SVEP1: variants seen among roughly 807,000 people sequenced by gnomAD.
SVEP1 encodes sushi, von Willebrand factor type A, EGF and pentraxin domain-containing protein 1.
SVEP1 carries 164 observed loss-of-function variants against 367.3 expected under a neutral mutation model. The ratio of observed to expected loss-of-function variants is 0.45; its 90% confidence interval spans 0.39 to 0.51. The LOEUF is 0.51. SVEP1 is among the 20% of genes least tolerant of loss of function. SVEP1 has a pLI of 0.00. For missense variants in SVEP1, 4,117 were observed against 4,425.3 expected (o/e 0.93, Z 1.98); for synonymous variants, 1,666 against 1,611.6 (o/e 1.03, Z -0.81).
intron 3 of SVEP1, among the ~76,000 whole-genome samples, chr9:110,528,006 TCC>T (rs1400072402): frequency 1.3e-5 from 2 of 151,192 alleles, no homozygotes; most frequent in Non-Finnish European, 3.0e-5. Context: ...GGTCTCCAGC[TCC>T]ATCAAAGTTG....
At chr9:110,403,029 TA>T (rs1251031962) in intron 39 of SVEP1, among the ~76,000 whole-genome samples, 4 of 152,018 alleles carry the variant, frequency 2.6e-5, no homozygotes, top group Admixed American at 2.0e-4. Context: ...GATTTACAAA[TA>T]AAAAAATAAG....
At position 110,450,068 on chromosome 9, in the gene SVEP1, T is replaced by G. The variant is rs570920504; in HGVS notation, c.4094A>C (p.Asn1365Thr). The stretch of plus-strand genomic sequence containing the variant: ...AGACTTAGCCTTTTACCTGAAGCTA[T>G]TGGCACCGTCTTTACAGGTAGCTCC... ...KNGATCKDGANSFRCLCAAGF... is the reference protein window; with the variant it reads ...KNGATCKDGATSFRCLCAAGF... The change falls in exon 24 of 48, where the codon AAT becomes ACT. Residue 1365 changes from asparagine (N) to threonine (T), a missense_variant. By Grantham distance (65) the Asn-to-Thr change is moderately conservative (BLOSUM62 0). This residue lies in a region of SVEP1 where 2,174 missense variants were observed against 2,494.3 expected (regional missense o/e 0.87). Transcript: ENST00000374469. The G allele has an allele frequency of 1.9e-6, 3 of 1,613,856 alleles. No homozygotes were observed. The South Asian group carries it at 3.3e-5, about 18-fold the overall frequency.
chr9:110,402,448 G>A (rs570666040), intron 39 of SVEP1, among the ~76,000 whole-genome samples: 4 of 152,166 alleles, frequency 2.6e-5, no homozygotes, highest in African/African-American at 9.6e-5. Context: ...GCTGAACATA[G>A]TTTTACACAG....
intron 16 of SVEP1, among the ~76,000 whole-genome samples, chr9:110,470,438 T>G (rs1049691291): frequency 1.3e-5 from 2 of 152,148 alleles, no homozygotes; most frequent in African/African-American, 4.8e-5. Flanking sequence ...TGTCTTATTT[T>G]ATTTTTATTT....
intron 1 of SVEP1, among the ~76,000 whole-genome samples, chr9:110,572,640 T>C (rs928918282): frequency 1.3e-5 from 2 of 151,924 alleles, no homozygotes; most frequent in African/African-American, 4.8e-5. Flanking sequence ...GGTGGGCTGG[T>C]CACTTGAGCC....
rs536980751 is a variant in SVEP1 at position 110,474,831 on chromosome 9, C to T, written c.2599+1373G>A. On this transcript the variant is annotated intron_variant, in intron 14 of 47. Coordinates refer to ENST00000374469, the MANE Select transcript of SVEP1 (RefSeq NM_153366.4). ...TTTCTATAAATTATGGTAAACTGATCGATGGGATAATATTCAAACTGTACT... is the reference window on the plus strand; with the variant it reads ...TTTCTATAAATTATGGTAAACTGATTGATGGGATAATATTCAAACTGTACT... Among the ~76,000 whole-genome samples the T allele has an allele frequency of 4.6e-5, 7 of 151,962 alleles. No individual in the cohort carries two copies. In the South Asian group the frequency reaches 6.2e-4, roughly 14 times the overall value.
In SVEP1 at chr9:110,403,287, G is replaced by A. The variant is rs912158564; in HGVS notation, c.9666+1040C>T. Among the ~76,000 whole-genome samples, 395 of 91,716 alleles carry A rather than the reference G, an allele frequency of 4.3e-3. 4 individuals carry two copies. The highest frequency in any genetic ancestry group is 0.025 in the African/African-American group (379 of 15,438). The allele number at this position is 91,716 out of a possible 152,430, so 60.2% of individuals were successfully genotyped here. A position where few individuals can be genotyped will look rare whatever the true frequency, so the allele number is the denominator to read the frequency against. On this transcript the variant is annotated intron_variant, in intron 39 of 47. Transcript: ENST00000374469. Reference sequence around the variant, plus strand: ...TGTCTACGGTGATGATTCCTTCCCCGCCACCGCCGTTTTTTTTTTTTTTTT... The same window carrying A: ...TGTCTACGGTGATGATTCCTTCCCCACCACCGCCGTTTTTTTTTTTTTTTT...
At chr9:110,401,048 G>C (rs1382714770) in intron 39 of SVEP1, 39 bp from the exon 40 acceptor site, 1 of 1,604,676 alleles carries the variant, frequency 6.2e-7, no homozygotes, top group Non-Finnish European at 8.5e-7. Context: ...ATGTTTAGAA[G>C]TTAATACATA....
At chr9:110,432,069 A>ATTCC in intron 31 of SVEP1, 35 bp from the exon 32 acceptor site, 1 of 1,563,236 alleles carries the variant, frequency 6.4e-7, no homozygotes, top group Middle Eastern at 1.7e-4. Context: ...ATTAAAGTTG[A>ATTCC]TTCCTTTTCC....
At chr9:110,461,749 A>G (rs998337999) in intron 18 of SVEP1, among the ~76,000 whole-genome samples, 4 of 152,232 alleles carry the variant, frequency 2.6e-5, no homozygotes, top group African/African-American at 9.6e-5. Flanking sequence ...GGCAGAAAAT[A>G]TCATAGATTT....
rs552241632 is a variant in SVEP1, at chr9:110,488,008, C to T, written c.1930+1642G>A. 1.2e-3 allele frequency among the ~76,000 whole-genome samples: 189 copies of T among 152,158 alleles called. 1 individual carries two copies. The highest frequency in any genetic ancestry group is 4.2e-3 in the African/African-American group (176 of 41,526). ...ACCAATTGAGAGATGATACGGTAAACCAGGCTCAAAAGATTTCAAAGGACT... is the reference window on the plus strand; with the variant it reads ...ACCAATTGAGAGATGATACGGTAAATCAGGCTCAAAAGATTTCAAAGGACT... On this transcript the variant is annotated intron_variant, in intron 9 of 47. Coordinates refer to ENST00000374469, the MANE Select transcript of SVEP1 (RefSeq NM_153366.4).
intron 35 of SVEP1, 93 bp from the exon 36 acceptor site, chr9:110,427,851 T>C (rs930126964): frequency 5.7e-6 from 8 of 1,400,792 alleles, no homozygotes; most frequent in Non-Finnish European, 6.7e-6. Flanking sequence ...TAAGGGACAT[T>C]TGAGGAATTT....
intron 1 of SVEP1, among the ~76,000 whole-genome samples, chr9:110,556,085 T>C (rs183167428): frequency 2.5e-3 from 375 of 152,268 alleles, no homozygotes; most frequent in African/African-American, 8.6e-3. Flanking sequence ...ACATGGACTT[T>C]GTATGGCAAA....
At position 110,407,384 on chromosome 9, in the gene SVEP1, A is replaced by T. The variant is rs1338256822; in HGVS notation, c.8216T>A (p.Val2739Glu). The T allele has an allele frequency of 1.9e-6, 3 of 1,614,012 alleles. No homozygotes were observed. Residue 2739 changes from valine (V) to glutamate (E), a missense_variant, in exon 38 of 48, where the codon GTG (valine) becomes GAG (glutamate). Around this residue, in one of 4 missense-constraint regions of SVEP1, gnomAD observed 1,765 missense variants for 1,781.1 expected, o/e 0.99. Coordinates refer to ENST00000374469, the MANE Select transcript of SVEP1 (RefSeq NM_153366.4). The part of the protein sequence containing the change: ...RFTETSMGSA[V>E]QYSCKPGHIL... ...GTGTCCAGGTTTACAGCTATACTGCACAGCACTTCCCATGCTAGTCTCTGT... is the reference window on the plus strand; with the variant it reads ...GTGTCCAGGTTTACAGCTATACTGCTCAGCACTTCCCATGCTAGTCTCTGT...
Position 110,378,139 on chromosome 9 carries a change from CATCT to C in SVEP1, c.10409-777_10409-774del, listed in dbSNP as rs893509525. ...CTATCTTCTTAATCATCATCATCAT[CATCT>C]ATCAACATACATTTTTTTATCCATT... On this transcript the variant is annotated intron_variant, in intron 44 of 47. Coordinates refer to ENST00000374469, the MANE Select transcript of SVEP1 (RefSeq NM_153366.4). Among the ~76,000 whole-genome samples, 21 of 151,568 alleles carry C rather than the reference CATCT, an allele frequency of 1.4e-4. No individual in the cohort carries two copies. The South Asian group carries it at 1.7e-3, about 12-fold the overall frequency.
Position 110,367,436 on chromosome 9 carries a change from G to A in SVEP1, c.10695-876C>T, listed in dbSNP as rs531364991. Among the ~76,000 whole-genome samples, 4 of 152,198 alleles carry A rather than the reference G, an allele frequency of 2.6e-5. No homozygotes were observed. In the East Asian group the frequency reaches 5.8e-4, roughly 22 times the overall value. ...GCTGCCTTGGCTTCCCAAATTGCTG[G>A]GATTACAGGTGTGAGCCATCACACT... On this transcript the variant is annotated intron_variant, in intron 47 of 47. Transcript: ENST00000374469.
At chr9:110,551,924 C>T (rs577698583) in intron 1 of SVEP1, among the ~76,000 whole-genome samples, 18 of 152,172 alleles carry the variant, frequency 1.2e-4, no homozygotes, top group Non-Finnish European at 2.2e-4. Flanking sequence ...CATAGAGGTC[C>T]CCAGGTCCTC....
At chr9:110,394,704 T>C (rs1375693498) in intron 40 of SVEP1, among the ~76,000 whole-genome samples, 2 of 152,178 alleles carry the variant, frequency 1.3e-5, no homozygotes, top group Non-Finnish European at 2.9e-5. Context: ...ACGTGACCAG[T>C]GCAGAAGCCT....
At chr9:110,538,576 A>G (rs1184447628) in intron 3 of SVEP1, among the ~76,000 whole-genome samples, 1 of 152,104 alleles carries the variant, frequency 6.6e-6, no homozygotes, top group Non-Finnish European at 1.5e-5. Context: ...ATACTCCCAA[A>G]TAAATATTCC....
Sources: allele counts gnomAD v4.1 joint callset (sites outside exome capture counted in the v4.1 genomes callset), GRCh38; gene constraint gnomAD v4.1.1; regional missense constraint gnomAD v4.1.1; transcripts MANE v1.5; gene names NCBI Gene and HGNC (gene_info 2026-07-23, HGNC 2026-07-21).